Variants in RBMS2 observed in about 807,000 individuals in gnomAD.
RBMS2 encodes RNA-binding motif, single-stranded-interacting protein 2.
RBMS2 carries 38 observed loss-of-function variants against 58.4 expected under a neutral mutation model. The observed-to-expected ratio is 0.65, with a 90% CI of 0.50 to 0.85. RBMS2 has a LOEUF of 0.85. Among genes scored for constraint, RBMS2 ranks in the 40% least tolerant of loss-of-function variants. RBMS2 has a pLI of 0.00. For missense variants in RBMS2, 367 were observed against 503.7 expected (o/e 0.73, Z 2.60); for synonymous variants, 151 against 180.7 (o/e 0.84, Z 1.32).
At chr12:56,538,150 A>T (rs2694913) in intron 1 of RBMS2, among the ~76,000 whole-genome samples, 1 of 151,730 alleles carries the variant, frequency 6.6e-6, no homozygotes, top group Non-Finnish European at 1.5e-5. Context: ...CTCCTGCCTC[A>T]GCCTCCCGGG....
chr12:56,561,134 A>G lies in RBMS2; in HGVS notation c.67-1283A>G, dbSNP rs116684963. Among the ~76,000 whole-genome samples, 1,160 of 152,220 alleles carry G rather than the reference A, an allele frequency of 7.6e-3. 14 individuals are homozygous for G. Among genetic ancestry groups the G allele is most frequent in the African/African-American group, 0.025 (1,047 of 41,534 alleles). ...TGGCTCCGTAGTATTCCATGTGTAT[A>G]TGTACAATCTTTTCTTTATTCAGTC... On this transcript the variant is annotated intron_variant, in intron 1 of 13. Transcript: ENST00000262031.
intron 1 of RBMS2, among the ~76,000 whole-genome samples, chr12:56,557,309 A>G (rs144524236): frequency 2.0e-3 from 301 of 152,296 alleles, no homozygotes; most frequent in Non-Finnish European, 2.9e-3. Flanking sequence ...AGGAAGCCAG[A>G]TAAGCTTTAC....
At chr12:56,547,529 T>C (rs1017335722) in intron 1 of RBMS2, among the ~76,000 whole-genome samples, 2 of 152,108 alleles carry the variant, frequency 1.3e-5, no homozygotes, top group African/African-American at 4.8e-5. Context: ...TAATTATTGC[T>C]CTGCTTATCC....
chr12:56,556,376 CTTTT>C (rs778701977), intron 1 of RBMS2, among the ~76,000 whole-genome samples: 1 of 140,106 alleles, frequency 7.1e-6, no homozygotes. Flanking sequence ...TGTCTTTTAG[CTTTT>C]TTTTTTTTTT....
chr12:56,588,484 T>G, intron 12 of RBMS2, 110 bp downstream of exon 12: 1 of 1,036,078 alleles, frequency 9.7e-7, no homozygotes, highest in Non-Finnish European at 1.5e-6. Flanking sequence ...TGTTCACAAA[T>G]AGCTGGTAGG....
At chr12:56,587,481 C>G in intron 10 of RBMS2, 73 bp from the exon 11 acceptor site, 1 of 1,489,832 alleles carries the variant, frequency 6.7e-7, no homozygotes. Context: ...GTGGTCCTGA[C>G]AGCCACCGAT....
Position 56,589,648 on chromosome 12 carries a change from ATG to A in RBMS2, c.*519_*520del, listed in dbSNP as rs1174386199. ...ATGGACTTTTTTGATGCATGTGTGT[ATG>A]TGTTTTAAAAAGTATGCAGGCTCTA... On this transcript the variant is annotated 3_prime_UTR_variant, in exon 14 of 14. Transcript: ENST00000262031. 1.2e-5 allele frequency: 2 copies of A among 160,746 alleles called. No homozygotes were observed. The highest frequency in any genetic ancestry group is 4.8e-5 in the African/African-American group (2 of 41,430). The allele number at this position is 160,746 out of a possible 1,614,324, so 10.0% of individuals were successfully genotyped here.
rs1482083937 is a variant in RBMS2 at position 56,593,123 on chromosome 12, GTTTTTGGT to G, written c.*4002_*4009del. 1 of 151,996 alleles carries G rather than the reference GTTTTTGGT, an allele frequency of 6.6e-6. No individual in the cohort carries two copies. The highest frequency in any genetic ancestry group is 1.5e-5 in the Non-Finnish European group (1 of 68,148). The allele number at this position is 151,996 out of a possible 1,614,324, so 9.4% of individuals were successfully genotyped here. The stretch of plus-strand genomic sequence containing the variant: ...GCTTGGATGAGATGTTGTTTTTAAT[GTTTTTGGT>G]TTTTTGGTTTTGTTGTTTTGTTTTT... On this transcript the variant is annotated 3_prime_UTR_variant, in exon 14 of 14. Transcript: ENST00000262031.
At chr12:56,572,972 G>A in intron 5 of RBMS2, 1 of 981,612 alleles carries the variant, frequency 1.0e-6, no homozygotes, top group Non-Finnish European at 1.2e-6. Context: ...CACTGTCGTA[G>A]GGTATCAGCC....
At chr12:56,542,849 C>G (rs1876393839) in intron 1 of RBMS2, among the ~76,000 whole-genome samples, 1 of 151,282 alleles carries the variant, frequency 6.6e-6, no homozygotes, top group Admixed American at 6.6e-5. Context: ...CATACCTGGC[C>G]TCTTTATTTA....
rs764597829 is a variant in RBMS2, at chr12:56,522,083, C to G, written c.60C>G (p.Asn20Lys). ...GISTFGYNRN[N>K]KKPYVSLAQQ... ...CGACTTTTGGCTACAATAGAAACAACAAGAAGGTAGGGAAAAGCGCTTTTT... is the reference window on the plus strand; with the variant it reads ...CGACTTTTGGCTACAATAGAAACAAGAAGAAGGTAGGGAAAAGCGCTTTTT... Residue 20 changes from asparagine (N) to lysine (K), a missense_variant, in exon 1 of 14, where the codon AAC (asparagine) becomes AAG (lysine). Asn to Lys is a moderately conservative substitution (Grantham distance 94). Around this residue, in one of 3 missense-constraint regions of RBMS2, gnomAD observed 93 missense variants for 132.2 expected, o/e 0.70. Coordinates refer to ENST00000262031, the MANE Select transcript of RBMS2 (RefSeq NM_002898.4). 7 of 1,595,028 alleles carry G rather than the reference C, an allele frequency of 4.4e-6. No individual in the cohort carries two copies. Among genetic ancestry groups the G allele is most frequent in the South Asian group, 3.3e-5 (3 of 90,406 alleles).
rs1466357153 is a variant in RBMS2 at position 56,596,025 on chromosome 12, T to C, written c.*6892T>C. 2 of 152,730 alleles carry C rather than the reference T, an allele frequency of 1.3e-5. No homozygotes were observed. Among genetic ancestry groups the C allele is most frequent in the African/African-American group, 4.8e-5 (2 of 41,480 alleles). 9.5% of individuals were successfully genotyped at this position (152,730 alleles called of 1,614,324 possible). ...TCACATGGCAAAAACAGGAGTTTTT[T>C]CGCTAGACTTTTTTTTTCTTTTTAA... On this transcript the variant is annotated 3_prime_UTR_variant, in exon 14 of 14. Coordinates refer to ENST00000262031, the MANE Select transcript of RBMS2 (RefSeq NM_002898.4).
intron 1 of RBMS2, among the ~76,000 whole-genome samples, chr12:56,558,064 A>G (rs1592410231): frequency 2.0e-5 from 1 of 50,332 alleles, no homozygotes; most frequent in South Asian, 7.3e-4. Context: ...TTTTTTTTTG[A>G]GACGGAGTCT....
chr12:56,559,713 TG>T (rs1880005773), intron 1 of RBMS2, among the ~76,000 whole-genome samples: 1 of 149,282 alleles, frequency 6.7e-6, no homozygotes, highest in Admixed American at 6.7e-5. Context: ...TAGCCAGGCG[TG>T]GTGGCGGGCG....
intron 1 of RBMS2, among the ~76,000 whole-genome samples, chr12:56,551,971 C>T (rs1878346321): frequency 6.6e-6 from 1 of 152,110 alleles, no homozygotes; most frequent in African/African-American, 2.4e-5. Context: ...GCCTGTAGTC[C>T]CAGGTACGTG....
At position 56,568,987 on chromosome 12, in the gene RBMS2, T is replaced by G; in HGVS notation, c.246T>G (p.Ile82Met). ...TCCTCTCCCTTAGATATGGCAAGAT[T>G]GTTTCCACTAAGGCCATACTGGACA... Reference protein sequence around the residue: ...LVKLCQPYGKIVSTKAILDKT... With the variant: ...LVKLCQPYGKMVSTKAILDKT... Residue 82 changes from isoleucine to methionine, a missense_variant, in exon 3 of 14, where the codon ATT becomes ATG. Transcript: ENST00000262031. 6.2e-7 allele frequency: 1 copy of G among 1,612,238 alleles called. No individual in the cohort carries two copies.
upstream of RBMS2, chr12:56,521,798 T>C (rs1011427964): frequency 1.9e-6 from 1 of 538,402 alleles, no homozygotes; most frequent in Admixed American, 3.5e-5. Flanking sequence ...TCTGTTAACT[T>C]CTCTCAGTGA....
At chr12:56,562,323 T>C in intron 1 of RBMS2, 94 bp from the exon 2 acceptor site, 1 of 1,221,968 alleles carries the variant, frequency 8.2e-7, no homozygotes, top group East Asian at 2.4e-5. Context: ...TTATATATAG[T>C]TTGGAATCAT....
At chr12:56,579,131 C>A (rs562532565) in intron 5 of RBMS2, among the ~76,000 whole-genome samples, 1 of 152,146 alleles carries the variant, frequency 6.6e-6, no homozygotes, top group African/African-American at 2.4e-5. Context: ...GAGGGGACTT[C>A]AGCCTTGATC....
Sources: gnomAD v4.1 joint callset for allele counts (sites outside exome capture counted in the v4.1 genomes callset) on GRCh38, gnomAD v4.1.1 for gene constraint, gnomAD v4.1.1 regional missense constraint, MANE v1.5 for transcripts, NCBI Gene and HGNC (gene_info 2026-07-23, HGNC 2026-07-21) for gene names.